The following KIRREL3 variants were observed in gnomAD, a reference collection of about 807,000 sequenced individuals.
KIRREL3 encodes kin of IRRE-like protein 3.
Under a neutral mutation model 89.7 loss-of-function variants are expected in KIRREL3, and 36 were observed. That is an observed-to-expected ratio of 0.40 (90% CI 0.31 to 0.53). The LOEUF is 0.53. Ranked by LOEUF, KIRREL3 falls within the 20% of genes least tolerant of loss-of-function variation. KIRREL3 has a pLI of 0.49. For synonymous variants in KIRREL3, 445 were observed against 441.4 expected, an observed-to-expected ratio of 1.01 and a Z score of -0.10; for missense variants, 864 against 1,056.6, an observed-to-expected ratio of 0.82 and a Z score of 2.53.
In KIRREL3 at chr11:126,836,767, G is replaced by T. The variant is rs191137535; in HGVS notation, c.55+163688C>A. Among the ~76,000 whole-genome samples the T allele has an allele frequency of 1.6e-3, 238 of 152,272 alleles. 1 individual carries two copies. Among genetic ancestry groups the T allele is most frequent in the African/African-American group, 5.3e-3 (221 of 41,550 alleles). ...CAGGGGGATGAAGCATGCAAGTGTTGCATGGTGAGATTTGACATAGGGCTG... is the reference window on the plus strand; with the variant it reads ...CAGGGGGATGAAGCATGCAAGTGTTTCATGGTGAGATTTGACATAGGGCTG... On this transcript the variant is annotated intron_variant, in intron 1 of 16. Transcript: ENST00000525144.
chr11:126,933,989 T>C (rs1280224359), intron 1 of KIRREL3, among the ~76,000 whole-genome samples: 1 of 74,828 alleles, frequency 1.3e-5, no homozygotes, highest in African/African-American at 5.4e-5. Flanking sequence ...ATGCAAAGGA[T>C]CTGGAAAAGA....
In KIRREL3 at chr11:126,860,246, C is replaced by T. The variant is rs148044406; in HGVS notation, c.55+140209G>A. On this transcript the variant is annotated intron_variant, in intron 1 of 16. Transcript: ENST00000525144. The surrounding 1 kb of genome is among the most constrained non-coding windows in gnomAD (Gnocchi z 4.6). ...ATAAAAGATAAGTTCTCCAACACCA[C>T]ACTGTGAGCTCCCAGAGGGTAGGAA... Among the ~76,000 whole-genome samples, 834 of 152,306 alleles carry T rather than the reference C, an allele frequency of 5.5e-3. 6 individuals carry two copies. Among genetic ancestry groups the T allele is most frequent in the African/African-American group, 0.018 (744 of 41,558 alleles).
rs1001612724 is a variant in KIRREL3 at position 126,427,117 on chromosome 11, G to C, written c.1807-1393C>G. 3.3e-5 allele frequency among the ~76,000 whole-genome samples: 5 copies of C among 152,212 alleles called. No individual in the cohort carries two copies. Among genetic ancestry groups the C allele is most frequent in the African/African-American group, 1.2e-4 (5 of 41,454 alleles). On this transcript the variant is annotated intron_variant, in intron 15 of 16. Transcript: ENST00000525144. The surrounding 1 kb of genome is among the most constrained non-coding windows in gnomAD (Gnocchi z 5.3). ...GTCTGAGGCAAACAGAATGTTTGCC[G>C]ATGGGAGAGAATTCAAGGTCCCGTT...
chr11:126,913,781 C>T (rs1186123912), intron 1 of KIRREL3, among the ~76,000 whole-genome samples: 5 of 152,132 alleles, frequency 3.3e-5, no homozygotes, highest in African/African-American at 1.2e-4. Context: ...CATATAAGAG[C>T]TGAGTGAAGA....
rs1950819523 is a variant in KIRREL3 at position 126,796,587 on chromosome 11, C to T, written c.55+203868G>A. ...AGCTGGTACCCACTGGGTGATTGGG[C>T]ACTAGAAATGTTGGCACAAGTGCCC... On this transcript the variant is annotated intron_variant, in intron 1 of 16. Coordinates refer to ENST00000525144, the MANE Select transcript of KIRREL3 (RefSeq NM_032531.4). The surrounding 1 kb of genome is among the most constrained non-coding windows in gnomAD (Gnocchi z 5.1). 1.3e-5 allele frequency among the ~76,000 whole-genome samples: 2 copies of T among 152,224 alleles called. No individual in the cohort carries two copies. Among genetic ancestry groups the T allele is most frequent in the South Asian group, 4.1e-4 (2 of 4,830 alleles).
intron 1 of KIRREL3, among the ~76,000 whole-genome samples, chr11:126,939,623 G>A (rs1344959447): frequency 6.6e-6 from 1 of 152,144 alleles, no homozygotes; most frequent in African/African-American, 2.4e-5. Context: ...AAAAAGGACA[G>A]GTGAACTAGG....
At chr11:126,487,350 T>C (rs558610729) in intron 4 of KIRREL3, among the ~76,000 whole-genome samples, 1 of 152,192 alleles carries the variant, frequency 6.6e-6, no homozygotes, top group Non-Finnish European at 1.5e-5. Flanking sequence ...AGGAAGAAGA[T>C]GGATGTGGGG....
At position 126,515,719 on chromosome 11, in the gene KIRREL3, G is replaced by A. The variant is rs1350020120; in HGVS notation, c.433+5596C>T. 6.6e-6 allele frequency among the ~76,000 whole-genome samples: 1 copy of A among 152,174 alleles called. No homozygotes were observed. Among genetic ancestry groups the A allele is most frequent in the African/African-American group, 2.4e-5 (1 of 41,426 alleles). ...TGGGTCTGAGGCTGGGGACACAGCTGGGGGCTGGCCTCGGGGGGCCTTGTG... is the reference window on the plus strand; with the variant it reads ...TGGGTCTGAGGCTGGGGACACAGCTAGGGGCTGGCCTCGGGGGGCCTTGTG... On this transcript the variant is annotated intron_variant, in intron 4 of 16. Coordinates refer to ENST00000525144, the MANE Select transcript of KIRREL3 (RefSeq NM_032531.4). This position sits in a 1 kb window ranked among gnomAD's most constrained non-coding sequence, Gnocchi z 4.2.
chr11:126,577,802 C>T (rs969572373), intron 1 of KIRREL3, among the ~76,000 whole-genome samples: 6 of 151,836 alleles, frequency 4.0e-5, no homozygotes, highest in African/African-American at 1.5e-4. Flanking sequence ...TTTCTCTGGT[C>T]TAGACGTCAT....
intron 5 of KIRREL3, among the ~76,000 whole-genome samples, chr11:126,470,358 C>A (rs1956850931): frequency 6.6e-6 from 1 of 152,194 alleles, no homozygotes; most frequent in African/African-American, 2.4e-5. Flanking sequence ...TGGCTTCAGC[C>A]CAGGACATAA....
intron 1 of KIRREL3, among the ~76,000 whole-genome samples, chr11:126,657,912 C>T (rs1005607431): frequency 6.6e-6 from 1 of 152,192 alleles, no homozygotes; most frequent in Non-Finnish European, 1.5e-5. Flanking sequence ...CAGATCAAGA[C>T]CACCCAGCCC....
At chr11:126,512,376 A>G (rs778863106) in intron 4 of KIRREL3, among the ~76,000 whole-genome samples, 1 of 152,242 alleles carries the variant, frequency 6.6e-6, no homozygotes, top group African/African-American at 2.4e-5. Context: ...TGATTGGCAC[A>G]TAAATGGGGA....
intron 1 of KIRREL3, among the ~76,000 whole-genome samples, chr11:126,982,614 A>G (rs1949748767): frequency 6.6e-6 from 1 of 152,164 alleles, no homozygotes; most frequent in Non-Finnish European, 1.5e-5. Flanking sequence ...ACTTCCACGT[A>G]CTGTTTCTAC....
In KIRREL3 at chr11:126,752,694, C is replaced by A. The variant is rs1238391602; in HGVS notation, c.56-189782G>T. Among the ~76,000 whole-genome samples the A allele has an allele frequency of 6.6e-6, 1 of 152,078 alleles. No individual in the cohort carries two copies. Among genetic ancestry groups the A allele is most frequent in the Non-Finnish European group, 1.5e-5 (1 of 68,014 alleles). ...AGAATGCAAATTCAATTCCTCCTGA[C>A]AAAGAAATCTAAATTCATGGATTTT... On this transcript the variant is annotated intron_variant, in intron 1 of 16. Transcript: ENST00000525144. The surrounding 1 kb of genome is among the most constrained non-coding windows in gnomAD (Gnocchi z 4.8).
intron 1 of KIRREL3, among the ~76,000 whole-genome samples, chr11:126,649,726 C>A (rs547191142): frequency 2.8e-4 from 43 of 152,318 alleles, no homozygotes; most frequent in African/African-American, 1.0e-3. Flanking sequence ...GTGTCTGCGG[C>A]TCTTCCAGGT....
chr11:126,561,750 CT>C lies in KIRREL3; in HGVS notation c.133+1084del, dbSNP rs1940139101. Among the ~76,000 whole-genome samples the C allele has an allele frequency of 6.6e-6, 1 of 152,172 alleles. No individual in the cohort carries two copies. Among genetic ancestry groups the C allele is most frequent in the Non-Finnish European group, 1.5e-5 (1 of 68,032 alleles). On this transcript the variant is annotated intron_variant, in intron 2 of 16. Transcript: ENST00000525144. This position sits in a 1 kb window ranked among gnomAD's most constrained non-coding sequence, Gnocchi z 4.5. The stretch of plus-strand genomic sequence containing the variant: ...TGATCACTTCCTGTGCTTAATTGTG[CT>C]GGCCTAACTCTTGTCAGATTGTCAC...
chr11:126,481,793 G>T (rs1438118137), intron 4 of KIRREL3, among the ~76,000 whole-genome samples: 1 of 152,204 alleles, frequency 6.6e-6, no homozygotes, highest in Non-Finnish European at 1.5e-5. Context: ...TGTTACAGAA[G>T]TCTGAATATT....
rs1940910186 is a variant in KIRREL3, at chr11:126,571,234, C to T, written c.56-8322G>A. The stretch of plus-strand genomic sequence containing the variant: ...TCTCTCCTTGGAGGGCTGGGTTCCT[C>T]CCCTACCCTCAGACACTGCCTGGGA... On this transcript the variant is annotated intron_variant, in intron 1 of 16. Transcript: ENST00000525144. This position sits in a 1 kb window ranked among gnomAD's most constrained non-coding sequence, Gnocchi z 7.7. Among the ~76,000 whole-genome samples, 2 of 152,188 alleles carry T rather than the reference C, an allele frequency of 1.3e-5. No individual in the cohort carries two copies. The highest frequency in any genetic ancestry group is 4.1e-4 in the South Asian group (2 of 4,828).
In KIRREL3 at chr11:126,449,044, C is replaced by G. The variant is rs1222249794; in HGVS notation, c.962G>C (p.Gly321Ala). 5 of 1,613,516 alleles carry G rather than the reference C, an allele frequency of 3.1e-6. No homozygotes were observed. The highest frequency in any genetic ancestry group is 4.2e-6 in the Non-Finnish European group (5 of 1,179,624). Residue 321 changes from glycine to alanine, a missense_variant, in exon 8 of 17, where the codon GGC becomes GCC. Physicochemically the swap from Gly to Ala is moderately conservative, Grantham distance 60. Coordinates refer to ENST00000525144, the MANE Select transcript of KIRREL3 (RefSeq NM_032531.4). ...PVSCEVTNAL[G>A]STNLSRTVDV... is the part of the protein sequence containing the mutation. ...AACCGTGCGGCTGAGGTTGGTGCTG[C>G]CCAGGGCGTTGGTCACCTCACAGGA...
Sources: allele counts gnomAD v4.1 joint callset (sites outside exome capture counted in the v4.1 genomes callset), GRCh38; gene constraint gnomAD v4.1.1; non-coding constraint Gnocchi (gnomAD v3.1); transcripts MANE v1.5; gene names NCBI Gene and HGNC (gene_info 2026-07-23, HGNC 2026-07-21).